Variants in RARB observed in about 807,000 individuals in gnomAD.
The protein encoded by RARB is HBV-activated protein.
RARB carries 17 observed loss-of-function variants against 51.9 expected under a neutral mutation model. The ratio of observed to expected loss-of-function variants is 0.33; its 90% CI spans 0.22 to 0.49. The LOEUF (loss-of-function observed/expected upper bound fraction) is 0.49, where lower values mean the gene tolerates loss of function less well. Among genes scored for constraint, RARB ranks in the 20% least tolerant of loss-of-function variants. The pLI, the probability that RARB is intolerant of heterozygous loss-of-function variation, is 0.99. For missense variants in RARB, 369 were observed against 550.8 expected, an observed-to-expected ratio of 0.67 and a Z score of 3.30; for synonymous variants, 215 against 195.4, an observed-to-expected ratio of 1.10 and a Z score of -0.84.
intron 5 of RARB, among the ~76,000 whole-genome samples, chr3:25,281,545 C>A (rs1055732727): frequency 1.3e-5 from 2 of 152,134 alleles, no homozygotes; most frequent in African/African-American, 4.8e-5. Context: ...GTAACAAATA[C>A]AATCAAAAGG....
chr3:25,332,361 C>T lies in RARB; in HGVS notation c.179-128832C>T, dbSNP rs1183870601. On this transcript the variant is annotated intron_variant, in intron 5 of 11. Transcript: ENST00000383772. ...TTGGCTTCATCCCTGGGATGCAAGGCTGGTTCAACAAACACAAATCAATAA... is the reference window on the plus strand; with the variant it reads ...TTGGCTTCATCCCTGGGATGCAAGGTTGGTTCAACAAACACAAATCAATAA... 2.0e-5 allele frequency among the ~76,000 whole-genome samples: 3 copies of T among 152,174 alleles called. No individual in the cohort carries two copies. The East Asian group carries it at 5.8e-4, about 29-fold the overall frequency.
chr3:24,836,281 A>G (rs1299255859), intron 1 of RARB, among the ~76,000 whole-genome samples: 4 of 152,236 alleles, frequency 2.6e-5, no homozygotes, highest in Non-Finnish European at 5.9e-5. Flanking sequence ...CCAGGATCCT[A>G]TACGTGGCAA....
chr3:24,896,561 G>C (rs1019938949), intron 2 of RARB, among the ~76,000 whole-genome samples: 1 of 152,090 alleles, frequency 6.6e-6, no homozygotes, highest in Admixed American at 6.6e-5. Flanking sequence ...GCCTGGCCCT[G>C]GTACAGAGTT....
At chr3:24,910,480 G>C (rs915355699) in intron 2 of RARB, among the ~76,000 whole-genome samples, 1 of 152,058 alleles carries the variant, frequency 6.6e-6, no homozygotes, top group African/African-American at 2.4e-5. Flanking sequence ...TAATTTTTTA[G>C]GACCTGTGAA....
intron 3 of RARB, among the ~76,000 whole-genome samples, chr3:25,105,153 G>A (rs1699475251): frequency 6.6e-6 from 1 of 151,780 alleles, no homozygotes; most frequent in East Asian, 1.9e-4. Context: ...ATTATTTTTA[G>A]TGTCAGACAG....
chr3:25,184,208 A>G (rs538812590), intron 5 of RARB, among the ~76,000 whole-genome samples: 8 of 152,234 alleles, frequency 5.3e-5, no homozygotes, highest in South Asian at 4.1e-4. Flanking sequence ...CTGCTTTTCA[A>G]TGAGAATGTG....
chr3:25,585,892 T>G (rs901973598), intron 5 of RARB, among the ~76,000 whole-genome samples: 1 of 152,160 alleles, frequency 6.6e-6, no homozygotes, highest in African/African-American at 2.4e-5. Context: ...GCAAGCTGCC[T>G]TCAGAGCCCA....
intron 2 of RARB, among the ~76,000 whole-genome samples, chr3:25,015,212 C>T (rs1284462240): frequency 2.0e-5 from 3 of 152,072 alleles, no homozygotes; most frequent in Admixed American, 6.6e-5. Flanking sequence ...TACTCATTAA[C>T]GCTAACCATA....
intron 2 of RARB, among the ~76,000 whole-genome samples, chr3:24,950,679 A>AG (rs1695870391): frequency 6.6e-6 from 1 of 151,082 alleles, no homozygotes; most frequent in Admixed American, 6.6e-5. Context: ...TGGAAGACCT[A>AG]GGGTATAGGC....
chr3:25,471,616 AG>A (rs1254268390), intron 2 of RARB, among the ~76,000 whole-genome samples: 4 of 131,450 alleles, frequency 3.0e-5, no homozygotes, highest in African/African-American at 1.1e-4. Flanking sequence ...TTTTTCCTTG[AG>A]TTGGCGTGGT....
At chr3:24,934,246 C>A (rs1232988115) in intron 2 of RARB, among the ~76,000 whole-genome samples, 2 of 152,042 alleles carry the variant, frequency 1.3e-5, no homozygotes, top group Non-Finnish European at 1.5e-5. Flanking sequence ...ATTCAAATGC[C>A]ATGCTTTTCC....
At chr3:24,906,431 A>AC (rs2125375583) in intron 2 of RARB, among the ~76,000 whole-genome samples, 1 of 152,310 alleles carries the variant, frequency 6.6e-6, no homozygotes, top group Admixed American at 6.5e-5. Flanking sequence ...CCATTTAAAG[A>AC]CCAGGATAGT....
intron 5 of RARB, among the ~76,000 whole-genome samples, chr3:25,415,935 G>A (rs1483826): frequency 0.83 from 126,007 of 152,218 alleles, 52,546 homozygotes; most frequent in East Asian, 1. Flanking sequence ...ACAGTAAAAA[G>A]TAGATACATG....
intron 3 of RARB, among the ~76,000 whole-genome samples, chr3:25,076,500 C>T (rs999667896): frequency 1.3e-5 from 2 of 152,132 alleles, no homozygotes; most frequent in African/African-American, 4.8e-5. Context: ...ATTTGCCCAC[C>T]AAACTTATTT....
chr3:24,937,332 G>C (rs969453697), intron 2 of RARB, among the ~76,000 whole-genome samples: 5 of 152,128 alleles, frequency 3.3e-5, no homozygotes, highest in Admixed American at 6.5e-5. Flanking sequence ...ATGCTGGAGA[G>C]GGGCCATCAA....
chr3:24,973,215 C>G (rs921184314), intron 2 of RARB, among the ~76,000 whole-genome samples: 1 of 151,990 alleles, frequency 6.6e-6, no homozygotes, highest in Non-Finnish European at 1.5e-5. Flanking sequence ...TTTCCCAGCA[C>G]CATTTATTGA....
rs528397537 is a variant in RARB, at chr3:25,175,972, G to T, written c.178+1397G>T. On this transcript the variant is annotated intron_variant, in intron 5 of 11. Transcript: ENST00000383772. ...AATCATGTTCACTCAATATGCAAATGATATAATGAAGTTACTTTTAGCTAA... is the reference window on the plus strand; with the variant it reads ...AATCATGTTCACTCAATATGCAAATTATATAATGAAGTTACTTTTAGCTAA... Among the ~76,000 whole-genome samples, 25 of 152,300 alleles carry T rather than the reference G, an allele frequency of 1.6e-4. 1 individual carries two copies. The South Asian group carries it at 5.0e-3, about 30-fold the overall frequency.
chr3:25,414,806 T>G (rs1168243647), intron 5 of RARB, among the ~76,000 whole-genome samples: 1 of 152,228 alleles, frequency 6.6e-6, no homozygotes, highest in Non-Finnish European at 1.5e-5. Flanking sequence ...TTTGGAATTT[T>G]TAAAATTCTA....
chr3:25,218,278 C>G (rs1701876315), intron 5 of RARB, among the ~76,000 whole-genome samples: 3 of 151,992 alleles, frequency 2.0e-5, no homozygotes, highest in Non-Finnish European at 2.9e-5. Flanking sequence ...GTGAGAGTCG[C>G]CAGCCTTGCG....
Sources: allele counts gnomAD v4.1 joint callset (sites outside exome capture counted in the v4.1 genomes callset), GRCh38; gene constraint gnomAD v4.1.1; transcripts MANE v1.5; gene names NCBI Gene and HGNC (gene_info 2026-07-23, HGNC 2026-07-21).